Variants in TMEM63A observed in about 807,000 individuals in gnomAD.
The protein encoded by TMEM63A is mechanosensitive cation channel TMEM63A.
Under a neutral mutation model 100.6 loss-of-function variants are expected in TMEM63A, and 76 were observed. The ratio of observed to expected loss-of-function variants is 0.76; its 90% CI spans 0.63 to 0.91. TMEM63A has a LOEUF of 0.91. TMEM63A is among the 40% of genes least tolerant of loss of function. The pLI is 0.00. For synonymous variants in TMEM63A, 401 were observed against 401.1 expected, an observed-to-expected ratio of 1.00 and a Z score of 0.00; for missense variants, 876 against 1,008.8, an observed-to-expected ratio of 0.87 and a Z score of 1.78.
At chr1:225,847,354 A>G in intron 23 of TMEM63A, 141 bp from the exon 24 acceptor site, 1 of 1,057,326 alleles carries the variant, frequency 9.5e-7, no homozygotes, top group Non-Finnish European at 1.3e-6. Context: ...CATTTAGGAC[A>G]TTAAGACCGA....
At chr1:225,859,474 C>T (rs559684466) in intron 14 of TMEM63A, 125 bp from the exon 15 acceptor site, 2 of 1,172,588 alleles carry the variant, frequency 1.7e-6, no homozygotes, top group African/African-American at 1.6e-5. Context: ...CTGCACTGAC[C>T]TTCAACTACA....
intron 21 of TMEM63A, among the ~76,000 whole-genome samples, chr1:225,849,545 C>T (rs1300611076): frequency 6.6e-6 from 1 of 152,206 alleles, no homozygotes; most frequent in East Asian, 1.9e-4. Context: ...GATAAAGGCA[C>T]TATCTTCTCT....
At chr1:225,876,348 C>A (rs1670802553) in intron 3 of TMEM63A, among the ~76,000 whole-genome samples, 1 of 152,118 alleles carries the variant, frequency 6.6e-6, no homozygotes, top group African/African-American at 2.4e-5. Context: ...GTTCCCCACC[C>A]GAGCCTAGTC....
chr1:225,866,258 G>A lies in TMEM63A; in HGVS notation c.676-291C>T. The A allele has an allele frequency of 5.7e-6, 3 of 524,512 alleles. No homozygotes were observed. In the Admixed American group the frequency reaches 9.5e-5, roughly 17 times the overall value. The allele number at this position is 524,512 out of a possible 1,614,324, so 32.5% of individuals were successfully genotyped here. On this transcript the variant is annotated intron_variant, in intron 9 of 24. Coordinates refer to ENST00000366835, the MANE Select transcript of TMEM63A (RefSeq NM_014698.3). ...AATGCGGTCACACAGCAGATCAGAG[G>A]AGGACCCAGGCCTGGAACCAAGCCA...
intron 17 of TMEM63A, among the ~76,000 whole-genome samples, chr1:225,856,396 G>A (rs1043537306): frequency 3.3e-5 from 5 of 150,616 alleles, no homozygotes; most frequent in Admixed American, 6.6e-5. Flanking sequence ...AGGCCGAGGC[G>A]GGTGGATCAC....
chr1:225,852,877 T>C, intron 19 of TMEM63A, 108 bp from the exon 20 acceptor site: 2 of 966,320 alleles, frequency 2.1e-6, no homozygotes, highest in South Asian at 2.8e-5. Flanking sequence ...ACTTTGGAAA[T>C]AGGAGATGCG....
intron 24 of TMEM63A, 49 bp downstream of exon 24, chr1:225,846,985 T>C: frequency 6.5e-7 from 1 of 1,546,162 alleles, no homozygotes; most frequent in East Asian, 2.3e-5. Flanking sequence ...GCTTCACCTG[T>C]CTTCTCACCC....
intron 5 of TMEM63A, chr1:225,871,478 G>A (rs1037941292): frequency 2.6e-5 from 6 of 234,070 alleles, no homozygotes; most frequent in African/African-American, 1.3e-4. Context: ...CCGCTGGAGT[G>A]GGTGTTAGGG....
At chr1:225,860,472 G>A (rs1669883287) in intron 14 of TMEM63A, 1 of 160,300 alleles carries the variant, frequency 6.2e-6, no homozygotes, top group Non-Finnish European at 1.4e-5. Flanking sequence ...GTGTGAAAAA[G>A]AGAATGTAAA....
At chr1:225,848,663 A>C in intron 22 of TMEM63A, 109 bp from the exon 23 acceptor site, 3 of 1,225,038 alleles carry the variant, frequency 2.4e-6, no homozygotes, top group African/African-American at 3.0e-5. Flanking sequence ...ACCAGCTGGC[A>C]CCAAGCTCCC....
intron 17 of TMEM63A, 72 bp from the exon 18 acceptor site, chr1:225,856,012 T>C (rs1414963734): frequency 2.6e-6 from 4 of 1,516,906 alleles, no homozygotes; most frequent in Non-Finnish European, 3.6e-6. Flanking sequence ...GCTTTCATTT[T>C]CTTTTGCTCT....
At chr1:225,843,440 T>C (rs751509698), downstream of TMEM63A, among the ~76,000 whole-genome samples, 1 of 152,152 alleles carries the variant, frequency 6.6e-6, no homozygotes, top group Non-Finnish European at 1.5e-5. Flanking sequence ...GGTCCTCACC[T>C]CCTCCAAGAG....
At position 225,872,011 on chromosome 1, in the gene TMEM63A, A is replaced by T; in HGVS notation, c.309T>A (p.Gly103=). The T allele has an allele frequency of 1.9e-6, 3 of 1,613,692 alleles. No homozygotes were observed. Among genetic ancestry groups the T allele is most frequent in the South Asian group, 1.1e-5 (1 of 91,062 alleles). ...CCAGCTCATTTTCAAAGTCTTGTTG[A>T]CCTGAGGAGGAAGTCGATGACAATC... ...FQRLSSTSSS[G]QQDFENELGC... Residue 103 remains glycine (G), a synonymous_variant, in exon 5 of 25, where the codon GGT becomes GGA. Coordinates refer to ENST00000366835, the MANE Select transcript of TMEM63A (RefSeq NM_014698.3).
At chr1:225,877,638 A>T (rs1035935442) in intron 2 of TMEM63A, 44 bp from the exon 3 acceptor site, 2 of 1,543,310 alleles carry the variant, frequency 1.3e-6, no homozygotes, top group African/African-American at 2.7e-5. Flanking sequence ...TCAGGGCTCA[A>T]ATTTCTTGCA....
chr1:225,851,320 C>T (rs1275378458), intron 20 of TMEM63A, among the ~76,000 whole-genome samples: 1 of 152,122 alleles, frequency 6.6e-6, no homozygotes, highest in African/African-American at 2.4e-5. Flanking sequence ...CACAGGGGAC[C>T]AACAGAAAGT....
intron 10 of TMEM63A, chr1:225,864,635 T>A (rs1053456703): frequency 2.8e-4 from 43 of 152,248 alleles, no homozygotes; most frequent in African/African-American, 1.0e-3. Flanking sequence ...ATTCTGGTAT[T>A]GAGTATTTAC....
At chr1:225,847,416 A>AG in intron 23 of TMEM63A, 1 of 579,414 alleles carries the variant, frequency 1.7e-6, no homozygotes, top group Non-Finnish European at 3.0e-6. Context: ...GAGAAAGCAC[A>AG]GTTATACAGT....
chr1:225,843,149 G>A (rs997204512), downstream of TMEM63A, among the ~76,000 whole-genome samples: 21 of 152,222 alleles, frequency 1.4e-4, no homozygotes, highest in African/African-American at 5.1e-4. Flanking sequence ...AACAGTGGGA[G>A]AGCCCAGTAC....
intron 23 of TMEM63A, 58 bp downstream of exon 23, chr1:225,848,432 CTG>C: frequency 6.3e-7 from 1 of 1,584,278 alleles, no homozygotes; most frequent in Non-Finnish European, 8.6e-7. Flanking sequence ...CTGGTTGGGA[CTG>C]TTACAACCAA....
Sources: allele counts gnomAD v4.1 joint callset (sites outside exome capture counted in the v4.1 genomes callset), GRCh38; gene constraint gnomAD v4.1.1; transcripts MANE v1.5; gene names NCBI Gene and HGNC (gene_info 2026-07-23, HGNC 2026-07-21).